The following XPNPEP3 variants were observed in gnomAD, a reference collection of about 807,000 sequenced individuals.
XPNPEP3 encodes the protein X-prolyl aminopeptidase 3.
XPNPEP3 carries 41 observed loss-of-function variants against 60.0 expected under a neutral mutation model. That is an observed-to-expected ratio of 0.68 (90% CI 0.53 to 0.89). XPNPEP3 has a LOEUF of 0.89. XPNPEP3 is among the 40% of genes least tolerant of loss of function. The probability of loss-of-function intolerance (pLI) is 0.00; values close to 1 mark genes in which losing one functional copy is unlikely to be tolerated. For missense variants in XPNPEP3, 598 were observed against 638.9 expected, an observed-to-expected ratio of 0.94 and a Z score of 0.69; for synonymous variants, 212 against 223.2, an observed-to-expected ratio of 0.95 and a Z score of 0.45.
chr22:40,895,180 G>A (rs1360501987), intron 4 of XPNPEP3, among the ~76,000 whole-genome samples: 1 of 152,150 alleles, frequency 6.6e-6, no homozygotes, highest in Non-Finnish European at 1.5e-5. Context: ...AGGAGGAAAA[G>A]ACTACTTGCT....
At chr22:40,868,097 T>A (rs987404257) in intron 1 of XPNPEP3, among the ~76,000 whole-genome samples, 2 of 152,220 alleles carry the variant, frequency 1.3e-5, no homozygotes, top group African/African-American at 4.8e-5. Flanking sequence ...TGTGTCTTTC[T>A]TTGAGCATGT....
chr22:40,911,539 T>A (rs529245952), intron 6 of XPNPEP3, among the ~76,000 whole-genome samples: 15 of 151,864 alleles, frequency 9.9e-5, no homozygotes, highest in Admixed American at 9.9e-4. Context: ...TTCTTTCTTC[T>A]TGCTTTTTTT....
intron 4 of XPNPEP3, among the ~76,000 whole-genome samples, chr22:40,900,949 T>TAAAAAATAATAAAAAAC (rs2058129708): frequency 6.6e-6 from 1 of 151,416 alleles, no homozygotes; most frequent in African/African-American, 2.4e-5. Flanking sequence ...ATAATGATCT[T>TAAAAAATAATAAAAAAC]AAAAAATAAT....
chr22:40,900,325 C>T (rs1312647471), intron 4 of XPNPEP3, among the ~76,000 whole-genome samples: 2 of 149,262 alleles, frequency 1.3e-5, no homozygotes, highest in Non-Finnish European at 3.0e-5. Flanking sequence ...AAAAAAAAGG[C>T]CGGGTACGGT....
intron 8 of XPNPEP3, among the ~76,000 whole-genome samples, chr22:40,922,828 A>G (rs1041560337): frequency 6.6e-6 from 1 of 152,192 alleles, no homozygotes; most frequent in South Asian, 2.1e-4. Flanking sequence ...TTTAGAAATC[A>G]TCTTTGTGAT....
At chr22:40,913,816 AC>A (rs2058185334) in intron 6 of XPNPEP3, among the ~76,000 whole-genome samples, 1 of 152,056 alleles carries the variant, frequency 6.6e-6, no homozygotes, top group African/African-American at 2.4e-5. Context: ...AATAGAAGAA[AC>A]CAGCAATTAG....
At chr22:40,869,398 A>G (rs2057994516) in intron 2 of XPNPEP3, among the ~76,000 whole-genome samples, 1 of 152,232 alleles carries the variant, frequency 6.6e-6, no homozygotes, top group African/African-American at 2.4e-5. Flanking sequence ...GATAGACCTT[A>G]TAATTCAGAA....
chr22:40,922,530 G>C lies in XPNPEP3; in HGVS notation c.1236+17G>C. The C allele has an allele frequency of 6.2e-7, 1 of 1,613,200 alleles. No individual in the cohort carries two copies. The stretch of plus-strand genomic sequence containing the variant: ...GCCTTCAAGGTACTTCACTTCTCTT[G>C]ACCCCAGTTCTCAAGAACACCTAGC... On this transcript the variant is annotated intron_variant, in intron 8 of 9. Coordinates refer to ENST00000357137, the MANE Select transcript of XPNPEP3 (RefSeq NM_022098.4).
At chr22:40,874,771 C>T (rs1268437509) in intron 2 of XPNPEP3, among the ~76,000 whole-genome samples, 1 of 152,118 alleles carries the variant, frequency 6.6e-6, no homozygotes, top group East Asian at 1.9e-4. Context: ...TCACATACAC[C>T]ACTAACCTAG....
At chr22:40,879,313 T>A (rs2146247670) in intron 2 of XPNPEP3, among the ~76,000 whole-genome samples, 1 of 152,350 alleles carries the variant, frequency 6.6e-6, no homozygotes, top group South Asian at 2.1e-4. Context: ...CATAAATTTG[T>A]TTCTATTGTA....
chr22:40,881,562 G>A (rs1315674816), intron 2 of XPNPEP3, among the ~76,000 whole-genome samples: 3 of 152,046 alleles, frequency 2.0e-5, no homozygotes, highest in South Asian at 2.1e-4. Flanking sequence ...GATTTCAGGC[G>A]GGGCCACATT....
chr22:40,886,659 A>G, intron 4 of XPNPEP3, 144 bp downstream of exon 4: 1 of 720,498 alleles, frequency 1.4e-6, no homozygotes, highest in Non-Finnish European at 2.3e-6. Context: ...CCCCGTCTCT[A>G]CTAAAAAAAC....
intron 4 of XPNPEP3, among the ~76,000 whole-genome samples, chr22:40,900,307 GAAAA>G (rs895306237): frequency 2.1e-5 from 2 of 96,874 alleles, no homozygotes; most frequent in African/African-American, 3.6e-5. Context: ...ACAGCCTTAG[GAAAA>G]AAAAAAAAAA....
intron 4 of XPNPEP3, among the ~76,000 whole-genome samples, chr22:40,895,749 T>A (rs1032454943): frequency 6.6e-6 from 1 of 152,194 alleles, no homozygotes; most frequent in African/African-American, 2.4e-5. Flanking sequence ...TACACAGACT[T>A]CTAACCAGAC....
At chr22:40,888,848 G>T (rs985601045) in intron 4 of XPNPEP3, among the ~76,000 whole-genome samples, 4 of 151,830 alleles carry the variant, frequency 2.6e-5, no homozygotes, top group African/African-American at 9.7e-5. Context: ...ACGCACCAAG[G>T]GTTTCAATTT....
chr22:40,860,333 C>T (rs976625324), intron 1 of XPNPEP3: 1 of 158,766 alleles, frequency 6.3e-6, no homozygotes. Flanking sequence ...CTGCCTGGGC[C>T]TCCCAAGATG....
intron 1 of XPNPEP3, chr22:40,860,942 G>T: frequency 1.0e-6 from 1 of 962,042 alleles, no homozygotes; most frequent in Non-Finnish European, 1.5e-6. Flanking sequence ...CTAACCAAAT[G>T]TCCACAATCC....
chr22:40,873,098 CT>C (rs138353), intron 2 of XPNPEP3, among the ~76,000 whole-genome samples: 3,845 of 88,514 alleles, frequency 0.043, 12 homozygotes, highest in East Asian at 0.092. Context: ...TTTTCTTTTT[CT>C]TTTTTTTTTT....
chr22:40,870,885 C>T (rs989461670), intron 2 of XPNPEP3, among the ~76,000 whole-genome samples: 2 of 151,684 alleles, frequency 1.3e-5, no homozygotes, highest in Admixed American at 1.3e-4. Context: ...AAAAATTAGC[C>T]GGGTGTGGTG....
Sources: allele counts gnomAD v4.1 joint callset (sites outside exome capture counted in the v4.1 genomes callset), GRCh38; gene constraint gnomAD v4.1.1; transcripts MANE v1.5; gene names NCBI Gene and HGNC (gene_info 2026-07-23, HGNC 2026-07-21).